Variants in KAT14 observed in about 807,000 individuals in gnomAD.
The protein encoded by KAT14 is lysine acetyltransferase 14, also known as cysteine-rich protein 2-binding protein.
KAT14 carries 66 observed loss-of-function variants against 78.4 expected under a neutral mutation model. The observed-to-expected ratio is 0.84, with a 90% confidence interval of 0.69 to 1.03. The LOEUF is 1.03. KAT14 is among the 50% of genes least tolerant of loss of function. The probability of loss-of-function intolerance (pLI) is 0.00; values close to 1 mark genes in which losing one functional copy is unlikely to be tolerated. For missense variants in KAT14, 870 were observed against 972.5 expected (o/e 0.89, Z 1.40); for synonymous variants, 344 against 359.4 (o/e 0.96, Z 0.48).
intron 7 of KAT14, among the ~76,000 whole-genome samples, chr20:18,175,817 G>C (rs928746680): frequency 2.6e-5 from 4 of 151,620 alleles, no homozygotes; most frequent in Non-Finnish European, 5.9e-5. Context: ...TCAGGAGTTT[G>C]AGACCAGCCT....
Position 18,138,044 on chromosome 20 carries a change from A to G in KAT14, c.-461A>G. The G allele has an allele frequency of 6.7e-7, 1 of 1,486,334 alleles. No individual in the cohort carries two copies. Among genetic ancestry groups the G allele is most frequent in the Admixed American group, 2.3e-5 (1 of 43,380 alleles). 92.1% of individuals were successfully genotyped at this position (1,486,334 alleles called of 1,614,324 possible). On this transcript the variant is annotated 5_prime_UTR_variant, in exon 1 of 11. Transcript: ENST00000688188. ...GGCGTACATGTGAAGCAGCAGTGGG[A>G]CCAGCAGGTCGGTGTCACGTGACCG...
chr20:18,138,239 TCCCGGCGGGCGTGTGCAGCC>T, intron 1 of KAT14, 188 bp downstream of exon 1: 1 of 1,243,410 alleles, frequency 8.0e-7, no homozygotes, highest in Non-Finnish European at 1.0e-6. Flanking sequence ...GCGCTGCAGC[TCCCGGCGGGCGTGTGCAGCC>T]CGCAGATTCA....
At chr20:18,154,425 G>A (rs1031183298) in intron 4 of KAT14, among the ~76,000 whole-genome samples, 1 of 152,140 alleles carries the variant, frequency 6.6e-6, no homozygotes, top group African/African-American at 2.4e-5. Context: ...CAATTCTCCG[G>A]TCTCAGCCTC....
chr20:18,176,933 G>A (rs1374437020), intron 7 of KAT14, among the ~76,000 whole-genome samples: 1 of 152,154 alleles, frequency 6.6e-6, no homozygotes, highest in African/African-American at 2.4e-5. Flanking sequence ...AGGCAGCATT[G>A]GGAGTGGTTT....
chr20:18,167,953 G>T (rs116488532), intron 7 of KAT14, among the ~76,000 whole-genome samples: 1,744 of 151,698 alleles, frequency 0.011, 43 homozygotes, highest in African/African-American at 0.04. Flanking sequence ...TTATTTAAAT[G>T]ACATAAATCT....
chr20:18,158,146 A>G (rs2038288110), intron 4 of KAT14, among the ~76,000 whole-genome samples: 2 of 152,102 alleles, frequency 1.3e-5, no homozygotes. Flanking sequence ...CTGTCAGCCA[A>G]ACTGGTCTCG....
intron 7 of KAT14, 43 bp from the exon 8 acceptor site, chr20:18,181,667 C>G (rs1287594291): frequency 6.2e-7 from 1 of 1,612,432 alleles, no homozygotes; most frequent in Non-Finnish European, 8.5e-7. Context: ...CTGTGCCCAG[C>G]CTGAGTAATT....
At chr20:18,169,914 G>A (rs576641863) in intron 7 of KAT14, among the ~76,000 whole-genome samples, 8 of 152,326 alleles carry the variant, frequency 5.3e-5, no homozygotes, top group Admixed American at 3.3e-4. Flanking sequence ...TGCTGATATG[G>A]AGAAAGTTTG....
At chr20:18,141,273 G>T (rs1196479797) in intron 1 of KAT14, among the ~76,000 whole-genome samples, 1 of 152,000 alleles carries the variant, frequency 6.6e-6, no homozygotes, top group African/African-American at 2.4e-5. Context: ...CTTCTTGGGT[G>T]CCAGGTCCAC....
chr20:18,143,329 G>C (rs1425665079), intron 2 of KAT14, among the ~76,000 whole-genome samples: 1 of 152,146 alleles, frequency 6.6e-6, no homozygotes, highest in Non-Finnish European at 1.5e-5. Flanking sequence ...ATACTGAAAA[G>C]AGGTTAGAAT....
chr20:18,183,886 G>T (rs2039355268), intron 9 of KAT14, among the ~76,000 whole-genome samples: 1 of 152,196 alleles, frequency 6.6e-6, no homozygotes, highest in East Asian at 1.9e-4. Flanking sequence ...TTCCCACGCT[G>T]CCTTGAAACC....
rs761781872 is a variant in KAT14, at chr20:18,159,089, A to G, written c.506A>G (p.Lys169Arg). 4.0e-5 allele frequency: 63 copies of G among 1,594,756 alleles called. 1 individual carries two copies. The East Asian group carries it at 1.3e-3, about 33-fold the overall frequency. ...TAAATTCTTGGACTCTTTAGGAAAA[A>G]GACGTCTACCTGGTGGAGCACCGTG... The part of the protein sequence containing the change: ...HWTFLLGNRK[K>R]TSTWWSTVAG... Residue 169 changes from lysine (K) to arginine (R), a missense_variant, in exon 5 of 11, where the codon AAG (lysine) becomes AGG (arginine). By Grantham distance (26) the Lys-to-Arg change is conservative. Transcript: ENST00000688188.
intron 4 of KAT14, among the ~76,000 whole-genome samples, chr20:18,155,475 T>A (rs1164538115): frequency 6.6e-6 from 1 of 152,136 alleles, no homozygotes; most frequent in Non-Finnish European, 1.5e-5. Flanking sequence ...GTTTTCCAAA[T>A]ACTGGGTATT....
intron 5 of KAT14, among the ~76,000 whole-genome samples, chr20:18,160,746 C>G (rs1461690914): frequency 6.6e-6 from 1 of 152,078 alleles, no homozygotes; most frequent in African/African-American, 2.4e-5. Context: ...CATGCCTGAC[C>G]TTTTGTTACT....
intron 3 of KAT14, 23 bp downstream of exon 3, chr20:18,145,374 A>G (rs759114203): frequency 6.2e-7 from 1 of 1,613,202 alleles, no homozygotes; most frequent in Non-Finnish European, 8.5e-7. Context: ...CCCTTCCCCA[A>G]ATCCATGAGG....
intron 1 of KAT14, 98 bp downstream of exon 1, chr20:18,138,149 G>C (rs1346916145): frequency 3.0e-6 from 4 of 1,341,064 alleles, no homozygotes; most frequent in African/African-American, 3.1e-5. Context: ...GCTCCTCTTC[G>C]TGTCTTTCCC....
intron 5 of KAT14, among the ~76,000 whole-genome samples, chr20:18,159,726 T>G (rs1245466702): frequency 6.6e-6 from 1 of 152,216 alleles, no homozygotes; most frequent in Non-Finnish European, 1.5e-5. Context: ...AATCAACATT[T>G]CATTCCTAAA....
chr20:18,162,869 G>A lies in KAT14; in HGVS notation c.1592G>A (p.Gly531Glu), dbSNP rs893808861. Residue 531 changes from glycine to glutamate, a missense_variant, in exon 7 of 11, where the codon GGA becomes GAA. Coordinates refer to ENST00000688188, the MANE Select transcript of KAT14 (RefSeq NM_001392073.1). ...GGGATTTATGGAGCCAAAGAAGGAG[G>A]AATTTCCAGACTTCCAGCTGGACAA... ...VDGIYGAKEG[G>E]ISRLPAGQAT... 6.2e-7 allele frequency: 1 copy of A among 1,614,026 alleles called. No homozygotes were observed. Among genetic ancestry groups the A allele is most frequent in the African/African-American group, 1.3e-5 (1 of 74,920 alleles).
intron 7 of KAT14, among the ~76,000 whole-genome samples, chr20:18,174,447 T>C (rs2038962583): frequency 6.6e-6 from 1 of 152,174 alleles, no homozygotes; most frequent in East Asian, 1.9e-4. Flanking sequence ...GGTATGAAGA[T>C]TCTGATTTCT....
Sources: gnomAD v4.1 joint callset for allele counts (sites outside exome capture counted in the v4.1 genomes callset) on GRCh38, gnomAD v4.1.1 for gene constraint, MANE v1.5 for transcripts, NCBI Gene and HGNC (gene_info 2026-07-23, HGNC 2026-07-21) for gene names.